Variants in NPR1 observed in about 807,000 individuals in gnomAD.
The protein encoded by NPR1 is natriuretic peptide receptor 1.
A neutral mutation model predicts 116.9 loss-of-function variants in NPR1; 57 were observed. That is an observed-to-expected ratio of 0.49 (90% CI 0.39 to 0.61). The LOEUF is 0.61. NPR1 is among the 20% of genes least tolerant of loss of function. NPR1 has a pLI of 0.00. For missense variants in NPR1, 1,096 were observed against 1,409.8 expected (o/e 0.78, Z 3.56); for synonymous variants, 555 against 601.6 (o/e 0.92, Z 1.13).
intron 3 of NPR1, 93 bp from the exon 4 acceptor site, chr1:153,681,611 C>A: frequency 7.0e-7 from 1 of 1,436,372 alleles, no homozygotes; most frequent in Non-Finnish European, 9.5e-7. Context: ...CATCCTCTTC[C>A]AAAATCCCAG....
At position 153,681,199 on chromosome 1, in the gene NPR1, A is replaced by AT; in HGVS notation, c.942dup (p.Lys315Ter). On this transcript the variant is annotated frameshift_variant, in exon 3 of 22. Transcript: ENST00000368680. LOFTEE classifies it high-confidence loss of function. ...TCTCAGGCTGCCAAAATCATTACAT[A>AT]TAAAGACCCAGATAATCCCGAGTAC... 6.2e-7 allele frequency: 1 copy of AT among 1,611,570 alleles called. No individual in the cohort carries two copies. The highest frequency in any genetic ancestry group is 8.5e-7 in the Non-Finnish European group (1 of 1,177,688).
intron 10 of NPR1, 70 bp downstream of exon 10, chr1:153,686,270 A>G: frequency 6.9e-7 from 1 of 1,439,010 alleles, no homozygotes; most frequent in Non-Finnish European, 9.7e-7. Flanking sequence ...TGGCCAACAG[A>G]ACTAGTTATG....
At position 153,686,825 on chromosome 1, in the gene NPR1, G is replaced by A. The variant is rs537255719; in HGVS notation, c.1863+75G>A. ...GCCCCTGACTGGCCATAAGACCCCA[G>A]GCATGCCTCGCCCTCTTTCTGACCT... On this transcript the variant is annotated intron_variant, in intron 11 of 21. Transcript: ENST00000368680. 5.8e-5 allele frequency: 82 copies of A among 1,403,300 alleles called. 1 individual carries two copies. In the South Asian group the frequency reaches 7.9e-4, roughly 14 times the overall value. 86.9% of individuals were successfully genotyped at this position (1,403,300 alleles called of 1,614,324 possible). A position where few individuals can be genotyped will look rare whatever the true frequency, so the allele number is the denominator to read the frequency against.
At chr1:153,686,434 G>T (rs944062207) in intron 10 of NPR1, among the ~76,000 whole-genome samples, 1 of 152,096 alleles carries the variant, frequency 6.6e-6, no homozygotes, top group African/African-American at 2.4e-5. Context: ...TGATGTCCCT[G>T]GGGGAGAGAG....
intron 19 of NPR1, 24 bp downstream of exon 19, chr1:153,690,004 G>A (rs895727904): frequency 1.9e-5 from 28 of 1,479,750 alleles, no homozygotes; most frequent in East Asian, 7.5e-5. Context: ...AGGTGCAGGC[G>A]GGCATCCAGA....
In NPR1 at chr1:153,687,296, G is replaced by A. The variant is rs1303123978; in HGVS notation, c.2032G>A (p.Asp678Asn). The change falls in exon 13 of 22, where the codon GAC (aspartate) becomes AAC (asparagine). Residue 678 changes from aspartate to asparagine, a missense_variant. By Grantham distance (23) the Asp-to-Asn change is conservative. Coordinates refer to ENST00000368680, the MANE Select transcript of NPR1 (RefSeq NM_000906.4). ...VDGRFVLKIT[D>N]YGLESFRDLD... ...TGGGCGCTTTGTGCTCAAGATCACC[G>A]ACTATGGGCTGGAGAGCTTCAGGGA... 3.1e-6 allele frequency: 5 copies of A among 1,613,974 alleles called. No individual in the cohort carries two copies. The highest frequency in any genetic ancestry group is 1.3e-5 in the African/African-American group (1 of 74,916).
rs1382595538 is a variant in NPR1 at position 153,693,797 on chromosome 1, A to G, written c.*383A>G. On this transcript the variant is annotated 3_prime_UTR_variant, in exon 22 of 22. Coordinates refer to ENST00000368680, the MANE Select transcript of NPR1 (RefSeq NM_000906.4). ...GAGAAAGAGTCACCTGAAGGGGAAC[A>G]TGAAAAGAGACTAGGTGAAGAGAGG... The G allele has an allele frequency of 7.4e-6, 3 of 404,464 alleles. No homozygotes were observed. The highest frequency in any genetic ancestry group is 4.4e-5 in the Admixed American group (1 of 22,894). The allele number at this position is 404,464 out of a possible 1,614,324, so 25.1% of individuals were successfully genotyped here.
Position 153,689,179 on chromosome 1 carries a change from A to G in NPR1, c.2565-9A>G. 1 of 1,613,950 alleles carries G rather than the reference A, an allele frequency of 6.2e-7. No homozygotes were observed. Among genetic ancestry groups the G allele is most frequent in the South Asian group, 1.1e-5 (1 of 91,080 alleles). On this transcript the variant is annotated splice_polypyrimidine_tract_variant and intron_variant, in intron 16 of 21. Transcript: ENST00000368680. This position sits in a 1 kb window ranked among gnomAD's most constrained non-coding sequence, Gnocchi z 5.1. ...CAACTCTGATCCTGCACCTGCCCTGACCCCTTAGCTCAGTGGCTGAGCAGC... is the reference window on the plus strand; with the variant it reads ...CAACTCTGATCCTGCACCTGCCCTGGCCCCTTAGCTCAGTGGCTGAGCAGC...
rs1382535508 is a variant in NPR1 at position 153,693,915 on chromosome 1, G to A, written c.*501G>A. On this transcript the variant is annotated 3_prime_UTR_variant, in exon 22 of 22. Transcript: ENST00000368680. ...GACACAGTGCACAGGGGAGAAGAGGGGTGGCGCAGAAGGGTTGGGGGCCTG... is the reference window on the plus strand; with the variant it reads ...GACACAGTGCACAGGGGAGAAGAGGAGTGGCGCAGAAGGGTTGGGGGCCTG... 5.0e-6 allele frequency: 2 copies of A among 397,642 alleles called. No homozygotes were observed. The highest frequency in any genetic ancestry group is 4.4e-6 in the Non-Finnish European group (1 of 226,078). The allele number at this position is 397,642 out of a possible 1,614,324, so 24.6% of individuals were successfully genotyped here.
Position 153,689,005 on chromosome 1 carries a change from G to C in NPR1, c.2470G>C (p.Ala824Pro), listed in dbSNP as rs142618216. The C allele has an allele frequency of 1.9e-6, 3 of 1,614,066 alleles. No individual in the cohort carries two copies. In the East Asian group the frequency reaches 6.7e-5, roughly 36 times the overall value. Reference protein sequence around the residue: ...DNLLSRMEQYANNLEELVEER... With the variant: ...DNLLSRMEQYPNNLEELVEER... ...CCTGCTGTCCCGCATGGAGCAGTAC[G>C]CGAACAATCTGGAGGAACTGGTGGA... The change falls in exon 16 of 22, where the codon GCG (alanine) becomes CCG (proline). Residue 824 changes from alanine to proline, a missense_variant. Transcript: ENST00000368680. This position sits in a 1 kb window ranked among gnomAD's most constrained non-coding sequence, Gnocchi z 5.1.
At position 153,689,292 on chromosome 1, in the gene NPR1, C is replaced by T. The variant is rs1332700324; in HGVS notation, c.2669C>T (p.Ala890Val). 3.1e-6 allele frequency: 5 copies of T among 1,614,172 alleles called. No individual in the cohort carries two copies. Among genetic ancestry groups the T allele is most frequent in the East Asian group, 2.2e-5 (1 of 44,878 alleles). The change falls in exon 17 of 22, where the codon GCG becomes GTG. Residue 890 changes from alanine to valine, a missense_variant. Transcript: ENST00000368680. The surrounding 1 kb of genome is among the most constrained non-coding windows in gnomAD (Gnocchi z 5.1). ...SDIVGFTALS[A>V]ESTPMQVVTL... is the part of the protein sequence containing the mutation. ...ATTGTGGGTTTCACAGCGCTGTCGG[C>T]GGAGAGCACACCCATGCAGGTAGGC...
At position 153,685,099 on chromosome 1, in the gene NPR1, GT is replaced by G; in HGVS notation, c.1605+18del. ...CCCTGAGCGGGGTAAGAACGCTGGT[GT>G]TTGTGTTGGGGGGCAATAAAGGAGA... On this transcript the variant is annotated intron_variant, in intron 8 of 21. Transcript: ENST00000368680. 2.5e-6 allele frequency: 4 copies of G among 1,613,168 alleles called. No individual in the cohort carries two copies. The highest frequency in any genetic ancestry group is 3.4e-6 in the Non-Finnish European group (4 of 1,179,464).
chr1:153,687,480 A>G, intron 13 of NPR1, 124 bp downstream of exon 13: 1 of 1,485,932 alleles, frequency 6.7e-7, no homozygotes. Flanking sequence ...TTCACCCATG[A>G]AAAAGGGAAG....
chr1:153,684,058 A>G (rs1211111466), intron 7 of NPR1, among the ~76,000 whole-genome samples: 1 of 152,190 alleles, frequency 6.6e-6, no homozygotes, highest in Non-Finnish European at 1.5e-5. Context: ...AGAAAGATCC[A>G]AGAAGCAGAG....
At chr1:153,681,316 TC>T in intron 3 of NPR1, 23 bp downstream of exon 3, 2 of 1,385,646 alleles carry the variant, frequency 1.4e-6, no homozygotes, top group Non-Finnish European at 2.1e-6. Context: ...CCCGGGACCC[TC>T]CAGCGTGGAC....
rs1366624673 is a variant in NPR1, at chr1:153,679,566, C to T, written c.458C>T (p.Ala153Val). ...GGCTTCGGTGTCAAGGACGAGTATG[C>T]GCTGACCACCCGCGCGGGGCCCAGC... ...ALGFGVKDEYALTTRAGPSYA... is the reference protein window; with the variant it reads ...ALGFGVKDEYVLTTRAGPSYA... The change falls in exon 1 of 22, where the codon GCG becomes GTG. Residue 153 changes from alanine to valine, a missense_variant. Coordinates refer to ENST00000368680, the MANE Select transcript of NPR1 (RefSeq NM_000906.4). The surrounding 1 kb of genome is among the most constrained non-coding windows in gnomAD (Gnocchi z 4.2). The T allele has an allele frequency of 1.3e-6, 2 of 1,556,954 alleles. No individual in the cohort carries two copies. The highest frequency in any genetic ancestry group is 8.7e-7 in the Non-Finnish European group (1 of 1,156,016).
rs1183254608 is a variant in NPR1 at position 153,682,489 on chromosome 1, T to C, written c.1172-9T>C. The C allele has an allele frequency of 1.9e-6, 3 of 1,606,044 alleles. No homozygotes were observed. The highest frequency in any genetic ancestry group is 2.6e-6 in the Non-Finnish European group (3 of 1,172,606). On this transcript the variant is annotated splice_polypyrimidine_tract_variant and intron_variant, in intron 4 of 21. Coordinates refer to ENST00000368680, the MANE Select transcript of NPR1 (RefSeq NM_000906.4). ...TCTCAAACATAGTCATCTTCCCCCATGTCCTCAGGTGTGACAGGATACCTG... is the reference window on the plus strand; with the variant it reads ...TCTCAAACATAGTCATCTTCCCCCACGTCCTCAGGTGTGACAGGATACCTG...
At position 153,689,245 on chromosome 1, in the gene NPR1, T is replaced by C. The variant is rs1236875536; in HGVS notation, c.2622T>C (p.Ser874=). 1 of 1,614,146 alleles carries C rather than the reference T, an allele frequency of 6.2e-7. No individual in the cohort carries two copies. The highest frequency in any genetic ancestry group is 8.5e-7 in the Non-Finnish European group (1 of 1,180,024). The change falls in exon 17 of 22, where the codon AGT becomes AGC. Residue 874 remains serine, a synonymous_variant. Transcript: ENST00000368680. This position sits in a 1 kb window ranked among gnomAD's most constrained non-coding sequence, Gnocchi z 5.1. ...GETVQAEAFD[S]VTIYFSDIVG... ...CGGTGCAGGCCGAAGCCTTTGACAGTGTTACCATCTACTTCAGTGACATTG... is the reference window on the plus strand; with the variant it reads ...CGGTGCAGGCCGAAGCCTTTGACAGCGTTACCATCTACTTCAGTGACATTG...
At chr1:153,693,220 TC>T (rs1377465359) in intron 21 of NPR1, 23 bp downstream of exon 21, 24 of 1,610,742 alleles carry the variant, frequency 1.5e-5, no homozygotes, top group African/African-American at 2.7e-5. Context: ...GCCTCTGCCC[TC>T]CCCACCTTTT....
Sources: gnomAD v4.1 joint callset for allele counts (sites outside exome capture counted in the v4.1 genomes callset) on GRCh38, gnomAD v4.1.1 for gene constraint, Gnocchi (gnomAD v3.1) non-coding constraint, MANE v1.5 for transcripts, NCBI Gene and HGNC (gene_info 2026-07-23, HGNC 2026-07-21) for gene names.